The following ARHGAP15 variants were observed in gnomAD, a reference collection of about 807,000 sequenced individuals.
ARHGAP15 encodes rho GTPase-activating protein 15.
In ARHGAP15, 51 loss-of-function variants were observed where a neutral mutation model predicts 63.7. That is an observed-to-expected ratio of 0.80 (90% CI 0.64 to 1.01). ARHGAP15 has a LOEUF of 1.01. Among genes scored for constraint, ARHGAP15 ranks in the 50% least tolerant of loss-of-function variants. The pLI, the probability that ARHGAP15 is intolerant of heterozygous loss-of-function variation, is 0.00. For missense variants in ARHGAP15, 560 were observed against 564.6 expected (o/e 0.99, Z 0.08); for synonymous variants, 191 against 193.8 (o/e 0.99, Z 0.12).
chr2:143,622,474 C>G (rs1376842547), intron 11 of ARHGAP15, among the ~76,000 whole-genome samples: 1 of 152,132 alleles, frequency 6.6e-6, no homozygotes, highest in Non-Finnish European at 1.5e-5. Context: ...CTATTGTTAA[C>G]AGTTGACTGT....
At chr2:143,565,205 G>C (rs987033772) in intron 11 of ARHGAP15, among the ~76,000 whole-genome samples, 1 of 152,048 alleles carries the variant, frequency 6.6e-6, no homozygotes, top group Admixed American at 6.6e-5. Context: ...CATGGGGAAG[G>C]GGGCAGAGAG....
intron 12 of ARHGAP15, among the ~76,000 whole-genome samples, chr2:143,670,379 G>C (rs1437877568): frequency 1.3e-5 from 2 of 152,138 alleles, no homozygotes; most frequent in Non-Finnish European, 2.9e-5. Context: ...GACAAAATCT[G>C]GGTTTGAAGA....
At chr2:143,256,797 CAG>C (rs1680450218) in intron 6 of ARHGAP15, among the ~76,000 whole-genome samples, 1 of 151,924 alleles carries the variant, frequency 6.6e-6, no homozygotes, top group East Asian at 1.9e-4. Flanking sequence ...ATATGAATGT[CAG>C]GGGTATATAA....
Position 143,502,409 on chromosome 2 carries a change from C to CA in ARHGAP15, c.826+14921dup, listed in dbSNP as rs944115685. 3.3e-5 allele frequency among the ~76,000 whole-genome samples: 5 copies of CA among 151,634 alleles called. No individual in the cohort carries two copies. The South Asian group carries it at 6.3e-4, about 19-fold the overall frequency. ...GGGTGTCAAGAGTAAAACTCCCTCT[C>CA]AAAAAAACAAAAACAAACAAACAAA... On this transcript the variant is annotated intron_variant, in intron 9 of 13. Transcript: ENST00000295095.
At chr2:143,470,830 G>A (rs903509408) in intron 8 of ARHGAP15, among the ~76,000 whole-genome samples, 7 of 147,466 alleles carry the variant, frequency 4.7e-5, no homozygotes, top group South Asian at 2.1e-4. Context: ...AAACAGTTTC[G>A]CATATATATA....
rs144385544 is a variant in ARHGAP15, at chr2:143,185,374, T to A, written c.166-16760T>A. ...AAGCTTGTATACTTTGAACTTATCT[T>A]GTATTTTTCTTTGCTTCAAACTTTT... On this transcript the variant is annotated intron_variant, in intron 2 of 13. Coordinates refer to ENST00000295095, the MANE Select transcript of ARHGAP15 (RefSeq NM_018460.4). Among the ~76,000 whole-genome samples the A allele has an allele frequency of 2.3e-3, 345 of 152,322 alleles. 1 individual carries two copies. Among genetic ancestry groups the A allele is most frequent in the African/African-American group, 8.0e-3 (333 of 41,566 alleles).
At position 143,435,685 on chromosome 2, in the gene ARHGAP15, G is replaced by A; in HGVS notation, c.559G>A (p.Ala187Thr). 2 of 1,597,516 alleles carry A rather than the reference G, an allele frequency of 1.3e-6. No individual in the cohort carries two copies. The highest frequency in any genetic ancestry group is 1.7e-6 in the Non-Finnish European group (2 of 1,174,200). The change falls in exon 7 of 14, where the codon GCA (alanine) becomes ACA (threonine). Residue 187 changes from alanine (A) to threonine (T), a missense_variant. Physicochemically the swap from Ala to Thr is moderately conservative, Grantham distance 58. Transcript: ENST00000295095. ...ILDWFHAIKN[A>T]IDRLPKDSSC... ...GGATTGGTTCCACGCTATCAAAAATGCAATTGACAGATTGGTATGTATTTG... is the reference window on the plus strand; with the variant it reads ...GGATTGGTTCCACGCTATCAAAAATACAATTGACAGATTGGTATGTATTTG...
intron 8 of ARHGAP15, among the ~76,000 whole-genome samples, chr2:143,453,634 C>G (rs951775435): frequency 6.6e-6 from 1 of 151,760 alleles, no homozygotes; most frequent in Non-Finnish European, 1.5e-5. Flanking sequence ...TTTGGACTTA[C>G]AGGGGAAAAA....
chr2:143,760,734 T>C (rs1318760377), intron 13 of ARHGAP15, among the ~76,000 whole-genome samples: 1 of 152,148 alleles, frequency 6.6e-6, no homozygotes, highest in Non-Finnish European at 1.5e-5. Context: ...CTAAGAATTA[T>C]ATACACCTAA....
intron 9 of ARHGAP15, among the ~76,000 whole-genome samples, chr2:143,498,335 A>AT (rs1293427242): frequency 2.6e-5 from 4 of 151,758 alleles, no homozygotes; most frequent in African/African-American, 9.7e-5. Flanking sequence ...CTATTCCTGC[A>AT]TTTTCTATTC....
intron 6 of ARHGAP15, among the ~76,000 whole-genome samples, chr2:143,271,127 TATTA>T (rs1681258729): frequency 2.0e-5 from 3 of 152,240 alleles, no homozygotes; most frequent in Non-Finnish European, 4.4e-5. Flanking sequence ...TTTTATGCAC[TATTA>T]ATTATGCTCT....
At chr2:143,296,166 C>T (rs948945806) in intron 6 of ARHGAP15, among the ~76,000 whole-genome samples, 1 of 151,960 alleles carries the variant, frequency 6.6e-6, no homozygotes, top group African/African-American at 2.4e-5. Context: ...TGGAGGACAG[C>T]GAGTGAGTTC....
chr2:143,434,616 T>C (rs1689528365), intron 6 of ARHGAP15, among the ~76,000 whole-genome samples: 1 of 152,140 alleles, frequency 6.6e-6, no homozygotes, highest in African/African-American at 2.4e-5. Context: ...TGGCTCCTGA[T>C]TGAGTATTTT....
chr2:143,167,444 C>T (rs994665622), intron 2 of ARHGAP15, among the ~76,000 whole-genome samples: 11 of 152,178 alleles, frequency 7.2e-5, no homozygotes, highest in Admixed American at 6.6e-5. Flanking sequence ...AATGGGACAG[C>T]AGTCTTGCTA....
At chr2:143,647,656 G>GA (rs1459817132) in intron 12 of ARHGAP15, among the ~76,000 whole-genome samples, 3 of 151,940 alleles carry the variant, frequency 2.0e-5, no homozygotes, top group South Asian at 2.1e-4. Context: ...CTCATTTGGG[G>GA]AAAAAATTAA....
chr2:143,463,760 A>G (rs184886738), intron 8 of ARHGAP15, among the ~76,000 whole-genome samples: 4 of 152,284 alleles, frequency 2.6e-5, no homozygotes, highest in East Asian at 1.9e-4. Context: ...TTAAAGTCTG[A>G]TTATTAGAGA....
At chr2:143,603,123 A>G (rs1451437708) in intron 11 of ARHGAP15, among the ~76,000 whole-genome samples, 3 of 152,246 alleles carry the variant, frequency 2.0e-5, no homozygotes, top group Non-Finnish European at 4.4e-5. Context: ...ATATGTAGTC[A>G]ATGGGACTCA....
intron 4 of ARHGAP15, among the ~76,000 whole-genome samples, chr2:143,224,896 GA>G (rs1346293134): frequency 1.3e-5 from 2 of 152,144 alleles, no homozygotes; most frequent in African/African-American, 4.8e-5. Context: ...CCTTTGCAGG[GA>G]CATGGATGAA....
chr2:143,724,050 C>CGT (rs201124472), intron 13 of ARHGAP15, among the ~76,000 whole-genome samples: 3,513 of 88,070 alleles, frequency 0.04, 58 homozygotes, highest in Middle Eastern at 0.09. Context: ...TATCCACCTT[C>CGT]ATGTGTGTGT....
Sources: allele counts gnomAD v4.1 joint callset (sites outside exome capture counted in the v4.1 genomes callset), GRCh38; gene constraint gnomAD v4.1.1; transcripts MANE v1.5; gene names NCBI Gene and HGNC (gene_info 2026-07-23, HGNC 2026-07-21).